The following LIN28B variants were observed in gnomAD, a reference collection of about 807,000 sequenced individuals.
LIN28B encodes the protein lin-28 RNA binding posttranscriptional regulator B, also known as protein lin-28 homolog B.
Under a neutral mutation model 21.9 loss-of-function variants are expected in LIN28B, and 5 were observed. That is an observed-to-expected ratio of 0.23 (90% CI 0.12 to 0.48). The LOEUF is 0.48. Ranked by LOEUF, LIN28B falls within the 20% of genes least tolerant of loss-of-function variation. The pLI, the probability that LIN28B is intolerant of heterozygous loss-of-function variation, is 0.98. For synonymous variants in LIN28B, 109 were observed against 111.3 expected, an observed-to-expected ratio of 0.98 and a Z score of 0.13; for missense variants, 245 against 310.5, an observed-to-expected ratio of 0.79 and a Z score of 1.58.
chr6:104,948,503 T>C (rs1778184180), intron 2 of LIN28B, among the ~76,000 whole-genome samples: 1 of 152,182 alleles, frequency 6.6e-6, no homozygotes, highest in Non-Finnish European at 1.5e-5. Context: ...TAAATACTCA[T>C]GTATAAAATG....
intron 3 of LIN28B, among the ~76,000 whole-genome samples, chr6:105,029,057 G>A (rs1468191801): frequency 1.3e-5 from 2 of 152,150 alleles, no homozygotes; most frequent in African/African-American, 4.8e-5. Flanking sequence ...AAACTTGACC[G>A]CTTAGCAACA....
At chr6:105,008,136 G>A (rs1770852805) in intron 2 of LIN28B, among the ~76,000 whole-genome samples, 1 of 152,130 alleles carries the variant, frequency 6.6e-6, no homozygotes, top group African/African-American at 2.4e-5. Flanking sequence ...GTCTATGCCT[G>A]TTTTCCCCTC....
At chr6:104,995,771 A>G (rs375094977) in intron 2 of LIN28B, among the ~76,000 whole-genome samples, 2 of 152,164 alleles carry the variant, frequency 1.3e-5, no homozygotes, top group African/African-American at 4.8e-5. Flanking sequence ...TTTTTACTCA[A>G]CAGCATGTAA....
chr6:104,937,702 TA>T (rs1013664365), intron 2 of LIN28B, among the ~76,000 whole-genome samples: 7 of 152,026 alleles, frequency 4.6e-5, no homozygotes, highest in African/African-American at 1.7e-4. Context: ...ACTCCACTCA[TA>T]AAAAAATAGA....
At position 104,950,335 on chromosome 6, in the gene LIN28B, A is replaced by C. The variant is rs1442992228; in HGVS notation, c.19-126A>C. On this transcript the variant is annotated intron_variant, in intron 2 of 5. Transcript: ENST00000635857. Reference sequence around the variant, plus strand: ...AGGTGAGTCTTAAACTGTAAAAAAAAGTTTACAGGTCTCTTCACAGAGTCA... The same window carrying C: ...AGGTGAGTCTTAAACTGTAAAAAAACGTTTACAGGTCTCTTCACAGAGTCA... 6.8e-5 allele frequency: 31 copies of C among 457,964 alleles called. No homozygotes were observed. In the Admixed American group the frequency reaches 1.4e-3, roughly 20 times the overall value. 28.4% of individuals were successfully genotyped at this position (457,964 alleles called of 1,614,324 possible).
upstream of LIN28B, among the ~76,000 whole-genome samples, chr6:104,955,775 G>A (rs905664980): frequency 1.3e-5 from 2 of 150,554 alleles, no homozygotes; most frequent in Non-Finnish European, 3.0e-5. Flanking sequence ...GAAAATGGGG[G>A]GTGGGGTAGG....
intron 2 of LIN28B, among the ~76,000 whole-genome samples, chr6:104,983,858 G>A (rs1353183541): frequency 6.6e-6 from 1 of 152,178 alleles, no homozygotes; most frequent in Non-Finnish European, 1.5e-5. Flanking sequence ...TTACAGGTGT[G>A]AGCCACCATG....
At chr6:105,012,459 A>G (rs978093521) in intron 2 of LIN28B, among the ~76,000 whole-genome samples, 2 of 151,132 alleles carry the variant, frequency 1.3e-5, no homozygotes, top group Non-Finnish European at 3.0e-5. Context: ...ACAGAGCAAG[A>G]CTCCATCTCC....
intron 2 of LIN28B, among the ~76,000 whole-genome samples, chr6:105,017,264 C>G (rs1316885076): frequency 6.6e-6 from 1 of 151,794 alleles, no homozygotes; most frequent in Admixed American, 6.6e-5. Context: ...AGATATTTGC[C>G]AAGTGTGGGT....
chr6:105,052,348 T>G (rs900929428), intron 3 of LIN28B, among the ~76,000 whole-genome samples: 1 of 152,000 alleles, frequency 6.6e-6, no homozygotes, highest in African/African-American at 2.4e-5. Flanking sequence ...ATGAAAAAAA[T>G]TTTTATTGGC....
intron 3 of LIN28B, among the ~76,000 whole-genome samples, chr6:105,062,299 C>G (rs1274903116): frequency 6.6e-6 from 1 of 151,972 alleles, no homozygotes; most frequent in Non-Finnish European, 1.5e-5. Context: ...GTGATTGTGT[C>G]ATTGTTCTGT....
chr6:104,947,892 T>G (rs1462658302), intron 2 of LIN28B, among the ~76,000 whole-genome samples: 1 of 152,002 alleles, frequency 6.6e-6, no homozygotes, highest in Non-Finnish European at 1.5e-5. Context: ...AATAATGAGC[T>G]AAATATACAC....
At chr6:104,963,979 C>A (rs1769805925) in intron 2 of LIN28B, among the ~76,000 whole-genome samples, 1 of 152,144 alleles carries the variant, frequency 6.6e-6, no homozygotes, top group South Asian at 2.1e-4. Flanking sequence ...AAATTAAAAG[C>A]TTATTTGTTA....
chr6:104,974,119 G>C (rs1179963715), intron 2 of LIN28B, among the ~76,000 whole-genome samples: 1 of 152,194 alleles, frequency 6.6e-6, no homozygotes, highest in South Asian at 2.1e-4. Flanking sequence ...GATATCAATA[G>C]ATGTAGAAAT....
intron 3 of LIN28B, among the ~76,000 whole-genome samples, chr6:105,059,280 TG>T (rs1481788781): frequency 2.0e-5 from 3 of 152,158 alleles, no homozygotes; most frequent in African/African-American, 7.2e-5. Flanking sequence ...CTTTTCTGGC[TG>T]TTCCTTCTTA....
intron 2 of LIN28B, among the ~76,000 whole-genome samples, chr6:105,017,175 G>A (rs988467067): frequency 3.3e-5 from 5 of 151,964 alleles, no homozygotes; most frequent in Non-Finnish European, 7.4e-5. Flanking sequence ...CACTGGAAAA[G>A]GAGTACCTGT....
intron 2 of LIN28B, among the ~76,000 whole-genome samples, chr6:104,993,833 CAAAAA>C (rs568787406): frequency 1.1e-5 from 1 of 89,170 alleles, no homozygotes; most frequent in Non-Finnish European, 2.4e-5. Flanking sequence ...GAGATTGTCT[CAAAAA>C]AAAAAAAAAA....
intron 2 of LIN28B, among the ~76,000 whole-genome samples, chr6:104,987,347 G>A (rs547446666): frequency 6.6e-6 from 1 of 152,018 alleles, no homozygotes; most frequent in South Asian, 2.1e-4. Context: ...TGATTCACAT[G>A]GTTTTTGCAC....
At chr6:104,991,374 G>A (rs538086347) in intron 2 of LIN28B, among the ~76,000 whole-genome samples, 26 of 151,854 alleles carry the variant, frequency 1.7e-4, no homozygotes, top group African/African-American at 4.1e-4. Flanking sequence ...CCTCCCAGAC[G>A]GGGTCGCGGC....
Sources: gnomAD v4.1 joint callset for allele counts (sites outside exome capture counted in the v4.1 genomes callset) on GRCh38, gnomAD v4.1.1 for gene constraint, MANE v1.5 for transcripts, NCBI Gene and HGNC (gene_info 2026-07-23, HGNC 2026-07-21) for gene names.